THBS3: variants seen among roughly 807,000 people sequenced by gnomAD.
The protein encoded by THBS3 is thrombospondin-3.
Under a neutral mutation model 118.3 loss-of-function variants are expected in THBS3, and 78 were observed. The ratio of observed to expected loss-of-function variants is 0.66; its 90% confidence interval spans 0.55 to 0.80. THBS3 has a LOEUF of 0.80. THBS3 is among the 30% of genes least tolerant of loss of function. The pLI, the probability that THBS3 is intolerant of heterozygous loss-of-function variation, is 0.00. For missense variants in THBS3, 1,057 were observed against 1,247.4 expected (o/e 0.85, Z 2.30); for synonymous variants, 427 against 475.3 (o/e 0.90, Z 1.32).
Position 155,197,555 on chromosome 1 carries a change from G to C in THBS3, c.2407C>G (p.Arg803Gly). Reference protein sequence around the residue: ...GFLFSYQDSGRFYVVMWKQTE... With the variant: ...GFLFSYQDSGGFYVVMWKQTE... ...TGCTTCCACATGACTACGTAGAAGCGGCCACTGTCTTGATAACTGAAGAGA... is the reference window on the plus strand; with the variant it reads ...TGCTTCCACATGACTACGTAGAAGCCGCCACTGTCTTGATAACTGAAGAGA... Residue 803 changes from arginine to glycine, a missense_variant, in exon 20 of 23, where the codon CGC (arginine) becomes GGC (glycine). Transcript: ENST00000368378. The surrounding 1 kb of genome is among the most constrained non-coding windows in gnomAD (Gnocchi z 5.0). 6.2e-7 allele frequency: 1 copy of C among 1,614,006 alleles called. No individual in the cohort carries two copies. The highest frequency in any genetic ancestry group is 8.5e-7 in the Non-Finnish European group (1 of 1,180,000).
At chr1:155,208,746 T>A (rs1557884951), upstream of THBS3, 2 of 1,429,140 alleles carry the variant, frequency 1.4e-6, no homozygotes, top group Non-Finnish European at 1.8e-6. Flanking sequence ...GCCCCTGTTT[T>A]GTTTCCATGG....
upstream of THBS3, chr1:155,208,671 T>G (rs1398308881): frequency 4.0e-6 from 4 of 998,288 alleles, no homozygotes; most frequent in East Asian, 1.1e-4. Context: ...AGCGACAGCC[T>G]GCGAGCCTCT....
At position 155,197,893 on chromosome 1, in the gene THBS3, A is replaced by T; in HGVS notation, c.2289T>A (p.Pro763=). The change falls in exon 19 of 23, where the codon CCT becomes CCA. Residue 763 remains proline (P), a synonymous_variant. Transcript: ENST00000368378. This position sits in a 1 kb window ranked among gnomAD's most constrained non-coding sequence, Gnocchi z 5.0. The stretch of plus-strand genomic sequence containing the variant: ...TCCCTTACATACCAACTGCCAAGCC[A>T]GGGTCACTGTTCATGGTCTGAACGA... ...MEIVQTMNSD[P]GLAVGYTAFN... is the part of the protein sequence containing the mutation. 1.9e-6 allele frequency: 3 copies of T among 1,614,076 alleles called. No homozygotes were observed. The South Asian group carries it at 3.3e-5, about 18-fold the overall frequency.
intron 14 of THBS3, 26 bp from the exon 15 acceptor site, chr1:155,200,139 T>C (rs758043496): frequency 2.0e-6 from 3 of 1,512,300 alleles, no homozygotes; most frequent in Non-Finnish European, 1.8e-6. Flanking sequence ...AGCACAAGGT[T>C]GTTACTAGAA....
In THBS3 at chr1:155,200,560, A is replaced by C; in HGVS notation, c.1599T>G (p.Asp533Glu). 1 of 1,614,126 alleles carries C rather than the reference A, an allele frequency of 6.2e-7. No individual in the cohort carries two copies. The highest frequency in any genetic ancestry group is 8.5e-7 in the Non-Finnish European group (1 of 1,180,026). Residue 533 changes from aspartate (D) to glutamate (E), a missense_variant, in exon 14 of 23, where the codon GAT becomes GAG. This residue lies in a region of THBS3 where 544 missense variants were observed against 715.6 expected (regional missense o/e 0.76). Coordinates refer to ENST00000368378, the MANE Select transcript of THBS3 (RefSeq NM_007112.5). The stretch of plus-strand genomic sequence containing the variant: ...AATTGTCACAGGCATCACCAAATGA[A>C]TCTGTATCTGAGTTCTGCTGGTCTT... ...PNKDQQNSDT[D>E]SFGDACDNCP...
rs1571892250 is a variant in THBS3, at chr1:155,200,555, A to C, written c.1604T>G (p.Phe535Cys). 6.2e-7 allele frequency: 1 copy of C among 1,614,132 alleles called. No homozygotes were observed. Among genetic ancestry groups the C allele is most frequent in the East Asian group, 2.2e-5 (1 of 44,872 alleles). Residue 535 changes from phenylalanine (F) to cysteine (C), a missense_variant, in exon 14 of 23, where the codon TTT becomes TGT. Transcript: ENST00000368378. ...GGGGCAATTGTCACAGGCATCACCAAATGAATCTGTATCTGAGTTCTGCTG... is the reference window on the plus strand; with the variant it reads ...GGGGCAATTGTCACAGGCATCACCACATGAATCTGTATCTGAGTTCTGCTG... The part of the protein sequence containing the change: ...KDQQNSDTDS[F>C]GDACDNCPNV...
Position 155,198,308 on chromosome 1 carries a change from T to A in THBS3, c.2075-88A>T, listed in dbSNP as rs1669041686. On this transcript the variant is annotated intron_variant, in intron 17 of 22. Coordinates refer to ENST00000368378, the MANE Select transcript of THBS3 (RefSeq NM_007112.5). Reference sequence around the variant, plus strand: ...ATCTGTTGGGCCTGCATTCCTGACATCTTTCCCCACCTTGCCCTTCCTCAC... The same window carrying A: ...ATCTGTTGGGCCTGCATTCCTGACAACTTTCCCCACCTTGCCCTTCCTCAC... 5.0e-6 allele frequency: 8 copies of A among 1,588,196 alleles called. No individual in the cohort carries two copies. In the Admixed American group the frequency reaches 5.1e-5, roughly 10 times the overall value.
chr1:155,205,433 A>G (rs1670409693), intron 2 of THBS3, 117 bp from the exon 3 acceptor site: 37 of 1,372,254 alleles, frequency 2.7e-5, no homozygotes, highest in Non-Finnish European at 3.5e-5. Context: ...TAATTCTACT[A>G]TGTGGCTCTC....
chr1:155,201,578 G>A lies in THBS3; in HGVS notation c.1177-9C>T. ...CCACACTTGAAAGAGCCCTAAGAGT[G>A]GAGAGGCAGCATCTTAGGAAGGAGG... is the stretch of plus-strand genomic sequence containing the variant. On this transcript the variant is annotated splice_polypyrimidine_tract_variant and intron_variant, in intron 10 of 22. Transcript: ENST00000368378. The A allele has an allele frequency of 9.3e-6, 15 of 1,612,614 alleles. No homozygotes were observed. Among genetic ancestry groups the A allele is most frequent in the Non-Finnish European group, 1.2e-5 (14 of 1,179,278 alleles).
rs1168552380 is a variant in THBS3 at position 155,195,975 on chromosome 1, C to T, written c.2812+12G>A. On this transcript the variant is annotated intron_variant, in intron 22 of 22. Coordinates refer to ENST00000368378, the MANE Select transcript of THBS3 (RefSeq NM_007112.5). Reference sequence around the variant, plus strand: ...CATGAAGGATTAGGTTGATCTCAATCAGCCACCTCACCATTGCATCGATAC... The same window carrying T: ...CATGAAGGATTAGGTTGATCTCAATTAGCCACCTCACCATTGCATCGATAC... 1 of 1,614,218 alleles carries T rather than the reference C, an allele frequency of 6.2e-7. No individual in the cohort carries two copies. Among genetic ancestry groups the T allele is most frequent in the Non-Finnish European group, 8.5e-7 (1 of 1,180,038 alleles).
chr1:155,203,870 C>T (rs1222548785), intron 4 of THBS3, among the ~76,000 whole-genome samples: 1 of 151,158 alleles, frequency 6.6e-6, no homozygotes, highest in African/African-American at 2.4e-5. Flanking sequence ...CGGAGTCTTG[C>T]TCTGTTTCCC....
intron 17 of THBS3, 78 bp downstream of exon 17, chr1:155,198,331 C>A: frequency 6.3e-7 from 1 of 1,586,458 alleles, no homozygotes; most frequent in South Asian, 1.2e-5. Context: ...TGCCCTTCCT[C>A]ACTTCCCAAC....
chr1:155,195,877 C>T lies in THBS3; in HGVS notation c.2835G>A (p.Glu945=). The T allele has an allele frequency of 6.2e-7, 1 of 1,614,124 alleles. No individual in the cohort carries two copies. ...CCTGGAGCAGCTGCCTCCGGAATGG[C>T]TCAAAGTCCTCAGGCACTGTGTCTG... ...RCNDTVPEDF[E]PFRRQLLQGR... The change falls in exon 23 of 23, where the codon GAG becomes GAA. Residue 945 remains glutamate, a synonymous_variant. Transcript: ENST00000368378.
At chr1:155,199,662 T>G in intron 16 of THBS3, 142 bp downstream of exon 16, 359 of 771,472 alleles carry the variant, frequency 4.7e-4, no homozygotes, top group Middle Eastern at 1.1e-3. Context: ...GGTTGAGGCA[T>G]GAGAATCACT....
At chr1:155,196,245 A>G in intron 21 of THBS3, 119 bp from the exon 22 acceptor site, 1 of 1,247,196 alleles carries the variant, frequency 8.0e-7, no homozygotes, top group Non-Finnish European at 1.1e-6. Flanking sequence ...GGCCTGAGAG[A>G]GAAGGGAGGG....
intron 10 of THBS3, 57 bp downstream of exon 10, chr1:155,201,900 G>A: frequency 6.2e-7 from 1 of 1,607,908 alleles, no homozygotes; most frequent in Admixed American, 1.7e-5. Flanking sequence ...GAAGGGGCGG[G>A]GGTTGGGGTT....
chr1:155,206,497 AC>A lies in THBS3; in HGVS notation c.80-92del. ...GCCCACATCACCCCCTACCCCCACC[AC>A]CAGGCAGCGTTAGTCACCTCAAAAT... On this transcript the variant is annotated intron_variant, in intron 1 of 22. Transcript: ENST00000368378. This position sits in a 1 kb window ranked among gnomAD's most constrained non-coding sequence, Gnocchi z 4.2. The A allele has an allele frequency of 8.7e-7, 1 of 1,145,332 alleles. No homozygotes were observed. The highest frequency in any genetic ancestry group is 2.0e-5 in the Admixed American group (1 of 49,762). The allele number at this position is 1,145,332 out of a possible 1,614,324, so 70.9% of individuals were successfully genotyped here. A position where few individuals can be genotyped will look rare whatever the true frequency, so the allele number is the denominator to read the frequency against.
intron 21 of THBS3, 105 bp from the exon 22 acceptor site, chr1:155,196,231 A>T (rs1668644212): frequency 7.4e-7 from 1 of 1,342,302 alleles, no homozygotes; most frequent in Non-Finnish European, 1.0e-6. Flanking sequence ...CCTTGAGCTC[A>T]CCAGGCCTGA....
At position 155,206,343 on chromosome 1, in the gene THBS3, G is replaced by T. The variant is rs1469607865; in HGVS notation, c.143C>A (p.Thr48Lys). The T allele has an allele frequency of 1.9e-6, 3 of 1,614,124 alleles. No individual in the cohort carries two copies. The highest frequency in any genetic ancestry group is 2.5e-6 in the Non-Finnish European group (3 of 1,179,982). Residue 48 changes from threonine to lysine, a missense_variant, in exon 2 of 23, where the codon ACA becomes AAA. By Grantham distance (78) the Thr-to-Lys change is moderately conservative. Transcript: ENST00000368378. This position sits in a 1 kb window ranked among gnomAD's most constrained non-coding sequence, Gnocchi z 4.2. ...QMVAVAEKIR[T>K]ALLTAGDIYL... The stretch of plus-strand genomic sequence containing the variant: ...GATGTCCCCAGCAGTGAGCAAGGCT[G>T]TCCGGATCTTCTCTGCCACAGCTAC...
Sources: gnomAD v4.1 joint callset for allele counts (sites outside exome capture counted in the v4.1 genomes callset) on GRCh38, gnomAD v4.1.1 for gene constraint, gnomAD v4.1.1 regional missense constraint, Gnocchi (gnomAD v3.1) non-coding constraint, MANE v1.5 for transcripts, NCBI Gene and HGNC (gene_info 2026-07-23, HGNC 2026-07-21) for gene names.